Variants in NAV2 observed in about 807,000 individuals in gnomAD.
NAV2 encodes the protein neuron navigator 2.
A neutral mutation model predicts 223.2 loss-of-function variants in NAV2; 54 were observed. The observed-to-expected ratio is 0.24, with a 90% CI of 0.19 to 0.30. The LOEUF (loss-of-function observed/expected upper bound fraction) is 0.30. NAV2 is among the 10% of genes least tolerant of loss of function. The pLI is 1.00. For missense variants in NAV2, 2,806 were observed against 3,147.5 expected, an observed-to-expected ratio of 0.89 and a Z score of 2.60; for synonymous variants, 1,279 against 1,239.3, an observed-to-expected ratio of 1.03 and a Z score of -0.67.
chr11:19,736,709 T>G (rs2052334945), intron 1 of NAV2, among the ~76,000 whole-genome samples: 1 of 152,214 alleles, frequency 6.6e-6, no homozygotes, highest in African/African-American at 2.4e-5. Context: ...TCAGGTCTGG[T>G]GCCTCCAAAG....
intron 22 of NAV2, among the ~76,000 whole-genome samples, chr11:20,072,627 G>A (rs932321663): frequency 3.3e-4 from 50 of 152,156 alleles, no homozygotes; most frequent in Admixed American, 5.2e-4. Context: ...GTGGTTTGTA[G>A]TTCTCCTTCA....
At chr11:19,743,527 C>G (rs919002815) in intron 1 of NAV2, among the ~76,000 whole-genome samples, 1 of 152,188 alleles carries the variant, frequency 6.6e-6, no homozygotes, top group Non-Finnish European at 1.5e-5. Flanking sequence ...GGTGGGAATG[C>G]CTAGTGCCTG....
At chr11:19,517,060 A>G (rs1157156409) in intron 1 of NAV2, among the ~76,000 whole-genome samples, 2 of 148,834 alleles carry the variant, frequency 1.3e-5, no homozygotes, top group Admixed American at 1.3e-4. Context: ...AAAAAAAAAT[A>G]ATAATACGAT....
At chr11:19,628,790 A>G (rs929440185) in intron 1 of NAV2, among the ~76,000 whole-genome samples, 3 of 152,214 alleles carry the variant, frequency 2.0e-5, no homozygotes, top group African/African-American at 7.2e-5. Flanking sequence ...AGAACCAGGT[A>G]CACCAAGGTC....
At chr11:19,926,158 A>G (rs938350584) in intron 6 of NAV2, among the ~76,000 whole-genome samples, 1 of 152,226 alleles carries the variant, frequency 6.6e-6, no homozygotes, top group Non-Finnish European at 1.5e-5. Flanking sequence ...TAACCAAACA[A>G]CTTTTAAAAA....
intron 25 of NAV2, 102 bp from the exon 26 acceptor site, chr11:20,082,891 TTGGTGGGGGGAAAA>T (rs2060177827): frequency 2.3e-5 from 23 of 1,016,712 alleles, no homozygotes; most frequent in Non-Finnish European, 3.1e-5. Context: ...ACCTCTTCCA[TTGGTGGGGGGAAAA>T]ACATGGGAGA....
chr11:19,514,545 C>A (rs138694719), intron 1 of NAV2, among the ~76,000 whole-genome samples: 1 of 152,208 alleles, frequency 6.6e-6, no homozygotes, highest in African/African-American at 2.4e-5. Flanking sequence ...GAGAGACCAA[C>A]TCACTAACTG....
At chr11:20,103,919 G>A (rs2061829837) in intron 34 of NAV2, among the ~76,000 whole-genome samples, 195 bp downstream of exon 34, 1 of 152,188 alleles carries the variant, frequency 6.6e-6, no homozygotes, top group African/African-American at 2.4e-5. Context: ...TACCAATGGG[G>A]AAACTAAGGC....
intron 15 of NAV2, 48 bp from the exon 16 acceptor site, chr11:20,049,788 T>C: frequency 6.4e-7 from 1 of 1,573,756 alleles, no homozygotes; most frequent in Non-Finnish European, 8.7e-7. Flanking sequence ...TCTCCTTTCT[T>C]CCAAGCTAAC....
At chr11:20,085,780 G>A (rs533189238) in intron 26 of NAV2, among the ~76,000 whole-genome samples, 44 of 152,342 alleles carry the variant, frequency 2.9e-4, no homozygotes, top group Admixed American at 3.3e-4. Context: ...GCCAGTGGGC[G>A]TGGGGGTTTG....
At chr11:19,565,939 C>T (rs2045253352) in intron 1 of NAV2, among the ~76,000 whole-genome samples, 1 of 152,240 alleles carries the variant, frequency 6.6e-6, no homozygotes, top group Non-Finnish European at 1.5e-5. Context: ...GAGCTCTGGG[C>T]TTGCTCTCAT....
chr11:19,477,626 G>T lies in NAV2; in HGVS notation c.75+126599G>T, dbSNP rs77573492. On this transcript the variant is annotated intron_variant, in intron 1 of 37. Coordinates refer to the NAV2 transcript ENST00000360655. ...TGGGAAATTTACAACCTTCATGAGG[G>T]TCCCCAGCATAGAGCCTGACATACG... Among the ~76,000 whole-genome samples, 289 of 152,268 alleles carry T rather than the reference G, an allele frequency of 1.9e-3. 10 individuals are homozygous for T. In the East Asian group the frequency reaches 0.05, roughly 27 times the overall value.
chr11:19,911,336 T>TATATACA (rs2043297896), intron 6 of NAV2, among the ~76,000 whole-genome samples: 1 of 152,216 alleles, frequency 6.6e-6, no homozygotes, highest in South Asian at 2.1e-4. Context: ...GTGCATTAGC[T>TATATACA]ATATACAATA....
At chr11:19,449,543 C>T (rs1004753612) in intron 1 of NAV2, among the ~76,000 whole-genome samples, 15 of 151,620 alleles carry the variant, frequency 9.9e-5, no homozygotes, top group Admixed American at 5.9e-4. Context: ...AGGCAGGGAC[C>T]GCCACCTCCC....
chr11:20,000,734 G>T (rs899628005), intron 11 of NAV2, among the ~76,000 whole-genome samples: 3 of 152,162 alleles, frequency 2.0e-5, no homozygotes, highest in African/African-American at 7.2e-5. Context: ...TAATGACCCA[G>T]CCTCTCTGGT....
intron 1 of NAV2, among the ~76,000 whole-genome samples, chr11:19,736,299 C>A (rs1196126876): frequency 2.0e-5 from 3 of 152,190 alleles, no homozygotes; most frequent in African/African-American, 7.2e-5. Context: ...TTAAAAATAG[C>A]TTTCTTTCAA....
chr11:20,114,672 G>A lies in NAV2; in HGVS notation c.7041G>A (p.Gln2347=), dbSNP rs763595244. Residue 2347 remains glutamine, a synonymous_variant, in exon 37 of 38, where the codon CAG becomes CAA. Transcript: ENST00000349880. ...ATCCATGGGCAGCCAGCCCACAACAGCACGAGTGGCCTCCCCTGCTGCAGT... is the reference window on the plus strand; with the variant it reads ...ATCCATGGGCAGCCAGCCCACAACAACACGAGTGGCCTCCCCTGCTGCAGT... The part of the protein sequence containing the change: ...DTYPWAASPQ[Q]HEWPPLLQLR... 5.0e-6 allele frequency: 8 copies of A among 1,614,184 alleles called. No individual in the cohort carries two copies. The highest frequency in any genetic ancestry group is 1.1e-5 in the South Asian group (1 of 91,078).
At chr11:19,350,838 T>A in exon 1 of NAV2, 2 of 1,009,580 alleles carry the variant, frequency 2.0e-6, no homozygotes, top group Middle Eastern at 2.0e-4. Flanking sequence ...CTGATTTCCT[T>A]GGCTGGCGGG....
chr11:20,013,250 A>G (rs1454079042), intron 11 of NAV2, among the ~76,000 whole-genome samples: 1 of 152,226 alleles, frequency 6.6e-6, no homozygotes, highest in East Asian at 1.9e-4. Flanking sequence ...CAAAGTTAGT[A>G]GAGTCTCTGG....
Sources: gnomAD v4.1 joint callset for allele counts (sites outside exome capture counted in the v4.1 genomes callset) on GRCh38, gnomAD v4.1.1 for gene constraint, MANE v1.5 for transcripts, NCBI Gene and HGNC (gene_info 2026-07-23, HGNC 2026-07-21) for gene names.